Variants in GLRA1 observed in about 807,000 individuals in gnomAD.
GLRA1 encodes the protein glycine receptor subunit alpha-1.
Under a neutral mutation model 48.3 loss-of-function variants are expected in GLRA1, and 37 were observed. That is an observed-to-expected ratio of 0.77 (90% CI 0.59 to 1.01). The LOEUF is 1.01. Ranked by LOEUF, GLRA1 falls within the 50% of genes least tolerant of loss-of-function variation. The pLI is 0.00. For synonymous variants in GLRA1, 196 were observed against 210.7 expected (o/e 0.93, Z 0.60); for missense variants, 427 against 571.0 (o/e 0.75, Z 2.57).
intron 7 of GLRA1, among the ~76,000 whole-genome samples, chr5:151,845,553 T>C (rs746290172): frequency 1.3e-5 from 2 of 152,168 alleles, no homozygotes; most frequent in East Asian, 1.9e-4. Context: ...TAAATGGCTA[T>C]AGTTAAAAAA....
At chr5:151,866,005 C>T (rs951358381) in intron 3 of GLRA1, among the ~76,000 whole-genome samples, 1 of 152,116 alleles carries the variant, frequency 6.6e-6, no homozygotes, top group African/African-American at 2.4e-5. Context: ...GGTTGGTGTT[C>T]GACATGCGGG....
chr5:151,889,247 TG>T (rs1753995514), intron 2 of GLRA1, among the ~76,000 whole-genome samples: 1 of 152,262 alleles, frequency 6.6e-6, no homozygotes, highest in Non-Finnish European at 1.5e-5. Context: ...AGCAGGATAA[TG>T]TATATATTTC....
chr5:151,920,713 A>T lies in GLRA1; in HGVS notation c.56+3781T>A, dbSNP rs187153347. ...CAAATACTTAATTTGATGCTAATAC[A>T]AACTTGCCCAAGGAACTTCATTCCT... is the stretch of plus-strand genomic sequence containing the variant. On this transcript the variant is annotated intron_variant, in intron 1 of 8. Transcript: ENST00000274576. 7.2e-5 allele frequency among the ~76,000 whole-genome samples: 11 copies of T among 152,280 alleles called. No homozygotes were observed. In the East Asian group the frequency reaches 1.9e-3, roughly 27 times the overall value.
At chr5:151,864,377 A>G (rs1478343115) in intron 3 of GLRA1, among the ~76,000 whole-genome samples, 1 of 152,238 alleles carries the variant, frequency 6.6e-6, no homozygotes, top group Admixed American at 6.5e-5. Flanking sequence ...CATACATTTT[A>G]TCCTCACAAA....
At chr5:151,923,858 C>A (rs932310554) in intron 1 of GLRA1, among the ~76,000 whole-genome samples, 1 of 152,040 alleles carries the variant, frequency 6.6e-6, no homozygotes, top group Non-Finnish European at 1.5e-5. Context: ...CCAGTATGTT[C>A]CTAAATAGAT....
chr5:151,838,661 C>T (rs1005471753), intron 7 of GLRA1, among the ~76,000 whole-genome samples: 28 of 152,084 alleles, frequency 1.8e-4, no homozygotes, highest in African/African-American at 6.8e-4. Context: ...TAAACAGCCC[C>T]AGAAACCTGT....
At chr5:151,901,456 C>T (rs1268804086) in intron 1 of GLRA1, among the ~76,000 whole-genome samples, 2 of 152,208 alleles carry the variant, frequency 1.3e-5, no homozygotes, top group Admixed American at 6.5e-5. Flanking sequence ...ATGGGGTTTA[C>T]TCTGACTGAG....
At chr5:151,911,944 G>T (rs1754623297) in intron 1 of GLRA1, among the ~76,000 whole-genome samples, 1 of 152,080 alleles carries the variant, frequency 6.6e-6, no homozygotes, top group Non-Finnish European at 1.5e-5. Context: ...CCTTCAATAT[G>T]CCAACTTAAT....
intron 8 of GLRA1, among the ~76,000 whole-genome samples, chr5:151,823,525 A>G (rs1412294470): frequency 1.3e-5 from 2 of 152,148 alleles, no homozygotes; most frequent in African/African-American, 2.4e-5. Context: ...GGGGATGGCT[A>G]TGGGCCAGGA....
In GLRA1 at chr5:151,849,458, T is replaced by TTCCTTTCCTTTCCTTTC. The variant is rs1312563438; in HGVS notation, c.912+1931_912+1932insGAAAGGAAAGGAAAGGA. Among the ~76,000 whole-genome samples, 7 of 42,118 alleles carry TTCCTTTCCTTTCCTTTC rather than the reference T, an allele frequency of 1.7e-4. 2 individuals carry two copies. The highest frequency in any genetic ancestry group is 1.0e-3 in the African/African-American group (7 of 6,982). 27.6% of individuals were successfully genotyped at this position (42,118 alleles called of 152,430 possible). A position where few individuals can be genotyped will look rare whatever the true frequency, so the allele number is the denominator to read the frequency against. On this transcript the variant is annotated intron_variant, in intron 7 of 8. Transcript: ENST00000274576. The stretch of plus-strand genomic sequence containing the variant: ...TTCCTTTCCTTTCCTTTCCTTTCCT[T>TTCCTTTCCTTTCCTTTC]CCTTCCTTCCTTCCTTCCTTCCTTC...
intron 7 of GLRA1, chr5:151,850,277 G>A (rs1223361620): frequency 8.7e-6 from 14 of 1,604,654 alleles, no homozygotes; most frequent in Non-Finnish European, 1.1e-5. Context: ...TGCCTGCCCA[G>A]TGGGAATTTC....
intron 2 of GLRA1, among the ~76,000 whole-genome samples, chr5:151,887,479 C>T (rs1226603480): frequency 6.6e-6 from 1 of 152,172 alleles, no homozygotes; most frequent in Non-Finnish European, 1.5e-5. Flanking sequence ...TCCTGCTGTG[C>T]TGAGAGTATT....
intron 7 of GLRA1, chr5:151,850,462 A>T (rs1240959304): frequency 9.3e-7 from 1 of 1,072,790 alleles, no homozygotes; most frequent in Non-Finnish European, 1.5e-6. Context: ...GCCATGTGGG[A>T]GGAGAATGGT....
chr5:151,905,897 C>T (rs555782165), intron 1 of GLRA1, among the ~76,000 whole-genome samples: 20 of 152,324 alleles, frequency 1.3e-4, no homozygotes, highest in Admixed American at 7.8e-4. Context: ...AACATTGCTT[C>T]GTGCTTTGCA....
At chr5:151,872,892 A>G (rs1158506142) in intron 3 of GLRA1, among the ~76,000 whole-genome samples, 3 of 149,638 alleles carry the variant, frequency 2.0e-5, no homozygotes, top group Non-Finnish European at 1.5e-5. Context: ...AGCAAATTGT[A>G]TTGCACAATC....
intron 7 of GLRA1, chr5:151,850,710 C>A (rs527292263): frequency 8.7e-7 from 1 of 1,148,274 alleles, no homozygotes; most frequent in Non-Finnish European, 1.3e-6. Context: ...TCTGCCACTG[C>A]GAACCCTTTT....
intron 1 of GLRA1, among the ~76,000 whole-genome samples, chr5:151,923,284 A>G (rs886872424): frequency 6.6e-6 from 1 of 152,260 alleles, no homozygotes. Flanking sequence ...CATTTAATAA[A>G]CCAGCCAACA....
rs547623482 is a variant in GLRA1 at position 151,847,590 on chromosome 5, G to A, written c.912+3800C>T. Among the ~76,000 whole-genome samples the A allele has an allele frequency of 5.3e-5, 8 of 152,258 alleles. No homozygotes were observed. In the East Asian group the frequency reaches 5.8e-4, roughly 11 times the overall value. On this transcript the variant is annotated intron_variant, in intron 7 of 8. Coordinates refer to ENST00000274576, the MANE Select transcript of GLRA1 (RefSeq NM_000171.4). The stretch of plus-strand genomic sequence containing the variant: ...AAACATTAGCCAGGCATGACGGCGC[G>A]TGCCTGTAGTCCCAGCTACCCGGGA...
At chr5:151,893,597 A>G (rs1754155671) in intron 1 of GLRA1, among the ~76,000 whole-genome samples, 1 of 152,058 alleles carries the variant, frequency 6.6e-6, no homozygotes, top group East Asian at 1.9e-4. Flanking sequence ...CTTATGAGTG[A>G]GAACATGCAG....
Sources: allele counts gnomAD v4.1 joint callset (sites outside exome capture counted in the v4.1 genomes callset), GRCh38; gene constraint gnomAD v4.1.1; transcripts MANE v1.5; gene names NCBI Gene and HGNC (gene_info 2026-07-23, HGNC 2026-07-21).